The following KLHL8 variants were observed in gnomAD, a reference collection of about 807,000 sequenced individuals.
The protein encoded by KLHL8 is kelch like family member 8.
A neutral mutation model predicts 63.5 loss-of-function variants in KLHL8; 38 were observed. The ratio of observed to expected loss-of-function variants is 0.60; its 90% CI spans 0.46 to 0.78. The LOEUF (loss-of-function observed/expected upper bound fraction) is 0.78, where lower values mean the gene tolerates loss of function less well. Ranked by LOEUF, KLHL8 falls within the 30% of genes least tolerant of loss-of-function variation. The pLI is 0.00. For missense variants in KLHL8, 566 were observed against 752.4 expected (o/e 0.75, Z 2.90); for synonymous variants, 224 against 254.3 (o/e 0.88, Z 1.13).
At chr4:87,167,705 A>T (rs142966039) in intron 8 of KLHL8, 1 of 373,206 alleles carries the variant, frequency 2.7e-6, no homozygotes, top group African/African-American at 2.1e-5. Context: ...GATGTCTAGC[A>T]AGAAGCCCAC....
chr4:87,164,699 G>A (rs1418436280), intron 8 of KLHL8, among the ~76,000 whole-genome samples: 1 of 152,164 alleles, frequency 6.6e-6, no homozygotes. Context: ...ATCTGTTCCT[G>A]AGGTTATAGA....
intron 2 of KLHL8, among the ~76,000 whole-genome samples, chr4:87,187,852 AAC>A (rs1731328329): frequency 1.3e-5 from 2 of 152,146 alleles, no homozygotes; most frequent in African/African-American, 4.8e-5. Context: ...GTACTATTTT[AAC>A]AGTTTTCCTG....
intron 6 of KLHL8, among the ~76,000 whole-genome samples, chr4:87,171,585 ATG>A (rs1158561179): frequency 6.6e-6 from 1 of 152,214 alleles, no homozygotes; most frequent in Admixed American, 6.5e-5. Context: ...GAACAAGTAC[ATG>A]TGTTCTCTAG....
At chr4:87,174,522 G>A (rs868093027) in intron 6 of KLHL8, among the ~76,000 whole-genome samples, 9 of 151,966 alleles carry the variant, frequency 5.9e-5, no homozygotes, top group South Asian at 2.1e-4. Flanking sequence ...CAGGTGATCC[G>A]CCCATCTTGG....
chr4:87,178,348 A>T, intron 5 of KLHL8, 129 bp downstream of exon 5: 1 of 999,252 alleles, frequency 1.0e-6, no homozygotes, highest in Non-Finnish European at 1.4e-6. Flanking sequence ...AATTATCACT[A>T]ACCAAGCATT....
At chr4:87,168,446 G>A (rs572365028) in intron 8 of KLHL8, among the ~76,000 whole-genome samples, 2 of 151,956 alleles carry the variant, frequency 1.3e-5, no homozygotes, top group East Asian at 3.9e-4. Flanking sequence ...TTCTTTCGGC[G>A]TTTTGTGGAA....
chr4:87,192,066 A>G lies in KLHL8; in HGVS notation c.216+3258T>C, dbSNP rs138059564. 2.7e-3 allele frequency among the ~76,000 whole-genome samples: 406 copies of G among 152,292 alleles called. 4 individuals are homozygous for G. The highest frequency in any genetic ancestry group is 9.4e-3 in the African/African-American group (389 of 41,556). On this transcript the variant is annotated intron_variant, in intron 2 of 9. Coordinates refer to ENST00000273963, the MANE Select transcript of KLHL8 (RefSeq NM_020803.5). ...TTTGCTATTTGTGAATAGCACTGCA[A>G]TGAACATGCGGGTATATGTGTCTTT...
chr4:87,191,104 A>G (rs1001764565), intron 2 of KLHL8, among the ~76,000 whole-genome samples: 1 of 152,194 alleles, frequency 6.6e-6, no homozygotes, highest in Non-Finnish European at 1.5e-5. Context: ...AATAGTGAAG[A>G]GTGTATATAT....
intron 1 of KLHL8, among the ~76,000 whole-genome samples, chr4:87,206,154 C>T (rs866201054): frequency 6.6e-6 from 1 of 152,172 alleles, no homozygotes; most frequent in African/African-American, 2.4e-5. Flanking sequence ...TCTGTTCATC[C>T]ATCCCTTTCT....
chr4:87,191,721 CATAAA>C (rs946585163), intron 2 of KLHL8, among the ~76,000 whole-genome samples: 2 of 151,960 alleles, frequency 1.3e-5, no homozygotes, highest in Admixed American at 6.6e-5. Context: ...TAATACACAA[CATAAA>C]ATAAACAGTT....
intron 1 of KLHL8, among the ~76,000 whole-genome samples, chr4:87,203,239 A>G (rs556541485): frequency 3.3e-5 from 5 of 151,918 alleles, no homozygotes; most frequent in Admixed American, 2.6e-4. Context: ...CAAGGTCACT[A>G]AAAACAAGGT....
chr4:87,202,686 A>G (rs139963475), intron 1 of KLHL8, among the ~76,000 whole-genome samples: 13 of 152,212 alleles, frequency 8.5e-5, no homozygotes, highest in Non-Finnish European at 1.8e-4. Flanking sequence ...TCACGGTTTG[A>G]AAAGCAATCT....
chr4:87,218,729 C>T (rs1732698591), intron 1 of KLHL8, among the ~76,000 whole-genome samples: 1 of 151,828 alleles, frequency 6.6e-6, no homozygotes, highest in Non-Finnish European at 1.5e-5. Flanking sequence ...ATAGAGTATC[C>T]TTAGACTTTT....
intron 1 of KLHL8, among the ~76,000 whole-genome samples, chr4:87,209,078 ACT>A (rs1312284616): frequency 1.3e-5 from 2 of 152,092 alleles, no homozygotes; most frequent in Non-Finnish European, 2.9e-5. Flanking sequence ...AAGACTATTC[ACT>A]CTGCCTAAGA....
At chr4:87,226,816 T>TAA (rs1327126815) in intron 1 of KLHL8, among the ~76,000 whole-genome samples, 1 of 13,524 alleles carries the variant, frequency 7.4e-5, no homozygotes, top group African/African-American at 4.4e-4. Flanking sequence ...ATATTATATA[T>TAA]AATATATATT....
At chr4:87,223,290 G>A (rs1360835051), upstream of KLHL8, among the ~76,000 whole-genome samples, 1 of 151,766 alleles carries the variant, frequency 6.6e-6, no homozygotes, top group Non-Finnish European at 1.5e-5. Context: ...CTTGTAATAA[G>A]GTGCACAGTA....
chr4:87,226,809 T>A (rs1423343758), intron 1 of KLHL8, among the ~76,000 whole-genome samples: 1 of 7,774 alleles, frequency 1.3e-4, no homozygotes, highest in Non-Finnish European at 2.0e-4. Context: ...ATAATATATA[T>A]TATATATAAT....
At chr4:87,223,372 A>G (rs1291889195), upstream of KLHL8, among the ~76,000 whole-genome samples, 2 of 152,158 alleles carry the variant, frequency 1.3e-5, no homozygotes, top group Non-Finnish European at 2.9e-5. Flanking sequence ...TACACAATAA[A>G]CTATTTGTAG....
chr4:87,187,027 G>A (rs936376730), intron 2 of KLHL8, among the ~76,000 whole-genome samples: 49 of 150,736 alleles, frequency 3.3e-4, no homozygotes, highest in African/African-American at 1.1e-3. Context: ...AAATCAGATA[G>A]CTTCCAACAG....
Sources: allele counts gnomAD v4.1 joint callset (sites outside exome capture counted in the v4.1 genomes callset), GRCh38; gene constraint gnomAD v4.1.1; transcripts MANE v1.5; gene names NCBI Gene and HGNC (gene_info 2026-07-23, HGNC 2026-07-21).